The following ITPRID1 variants were observed in gnomAD, a reference collection of about 807,000 sequenced individuals.
ITPRID1 encodes the protein ITPR interacting domain containing 1.
ITPRID1 carries 96 observed loss-of-function variants against 95.4 expected under a neutral mutation model. The observed-to-expected ratio is 1.01, with a 90% CI of 0.85 to 1.19. ITPRID1 has a LOEUF of 1.19. ITPRID1 is among the 50% of genes most tolerant of loss of function. The pLI is 0.00. For missense variants in ITPRID1, 1,339 were observed against 1,252.9 expected (o/e 1.07, Z -1.04); for synonymous variants, 510 against 453.6 (o/e 1.12, Z -1.58).
At chr7:31,611,380 A>G (rs1786862180) in intron 10 of ITPRID1, among the ~76,000 whole-genome samples, 2 of 151,762 alleles carry the variant, frequency 1.3e-5, no homozygotes, top group African/African-American at 2.4e-5. Context: ...GCAAAAATAC[A>G]TTTTTATCAT....
At chr7:31,543,646 ATATTT>A (rs1170833418) in intron 1 of ITPRID1, among the ~76,000 whole-genome samples, 1 of 151,762 alleles carries the variant, frequency 6.6e-6, no homozygotes, top group African/African-American at 2.4e-5. Context: ...AGTTCTGTGG[ATATTT>A]TAGTTTATAG....
At chr7:31,520,023 T>G in intron 1 of ITPRID1, among the ~76,000 whole-genome samples, 1 of 152,084 alleles carries the variant, frequency 6.6e-6, no homozygotes, top group South Asian at 2.1e-4. Flanking sequence ...TACATCTCCT[T>G]AGGCTCCTCT....
intron 10 of ITPRID1, among the ~76,000 whole-genome samples, chr7:31,604,289 C>T (rs759747208): frequency 5.9e-5 from 9 of 152,150 alleles, no homozygotes; most frequent in Admixed American, 6.5e-5. Context: ...ATGAGGGAAC[C>T]ACAGCTCAGA....
At chr7:31,618,896 T>G (rs1583595724) in intron 10 of ITPRID1, among the ~76,000 whole-genome samples, 1 of 152,326 alleles carries the variant, frequency 6.6e-6, no homozygotes, top group African/African-American at 2.4e-5. Flanking sequence ...CATTGCATGT[T>G]ATAAGAAGCC....
intron 10 of ITPRID1, among the ~76,000 whole-genome samples, chr7:31,592,193 A>G (rs956754159): frequency 2.0e-5 from 3 of 152,194 alleles, no homozygotes; most frequent in Non-Finnish European, 4.4e-5. Flanking sequence ...CCTTTCCAGG[A>G]CAATGTCCTC....
rs1379939256 is a variant in ITPRID1 at position 31,655,573 on chromosome 7, A to G, written c.*2744A>G. On this transcript the variant is annotated 3_prime_UTR_variant, in exon 15 of 15. Coordinates refer to ENST00000615280, the MANE Select transcript of ITPRID1 (RefSeq NM_001257967.3). Reference sequence around the variant, plus strand: ...GAAATCACAGGATCATACTTCCCAGAGCAGCCTTCCACCAGAAATAAAAGT... The same window carrying G: ...GAAATCACAGGATCATACTTCCCAGGGCAGCCTTCCACCAGAAATAAAAGT... Among the ~76,000 whole-genome samples, 2 of 152,304 alleles carry G rather than the reference A, an allele frequency of 1.3e-5. No homozygotes were observed. Among genetic ancestry groups the G allele is most frequent in the Non-Finnish European group, 1.5e-5 (1 of 68,032 alleles).
chr7:31,626,354 T>G (rs1788467099), intron 10 of ITPRID1, among the ~76,000 whole-genome samples: 1 of 152,238 alleles, frequency 6.6e-6, no homozygotes, highest in Non-Finnish European at 1.5e-5. Flanking sequence ...ACCATAATCA[T>G]GCTTTAACTT....
intron 1 of ITPRID1, among the ~76,000 whole-genome samples, chr7:31,543,567 G>A (rs1784000347): frequency 1.3e-5 from 2 of 151,900 alleles, no homozygotes; most frequent in African/African-American, 4.8e-5. Context: ...TTCCATTTGT[G>A]TATCTTCTTT....
chr7:31,653,039 G>A lies in ITPRID1; in HGVS notation c.*210G>A. The A allele has an allele frequency of 1.5e-6, 2 of 1,293,006 alleles. No individual in the cohort carries two copies. The highest frequency in any genetic ancestry group is 2.0e-6 in the Non-Finnish European group (2 of 979,514). The allele number at this position is 1,293,006 out of a possible 1,614,324, so 80.1% of individuals were successfully genotyped here. A position where few individuals can be genotyped will look rare whatever the true frequency, so the allele number is the denominator to read the frequency against. On this transcript the variant is annotated 3_prime_UTR_variant, in exon 15 of 15. Coordinates refer to ENST00000615280, the MANE Select transcript of ITPRID1 (RefSeq NM_001257967.3). ...TAACTGAGCACCTAGTATGTGCCTG[G>A]CACAGAGTATGCAACAGTGACTAAA...
At chr7:31,618,164 A>G (rs1787450895) in intron 10 of ITPRID1, among the ~76,000 whole-genome samples, 3 of 152,212 alleles carry the variant, frequency 2.0e-5, no homozygotes. Context: ...CACCCAGATC[A>G]AAGGTGTGAC....
chr7:31,619,231 T>C (rs1787565896), intron 10 of ITPRID1, among the ~76,000 whole-genome samples: 1 of 152,208 alleles, frequency 6.6e-6, no homozygotes, highest in South Asian at 2.1e-4. Flanking sequence ...ATTTTTGTCA[T>C]AGTAAAATGG....
chr7:31,599,671 T>TCG (rs1786296662), intron 10 of ITPRID1, among the ~76,000 whole-genome samples: 1 of 142,526 alleles, frequency 7.0e-6, no homozygotes, highest in African/African-American at 2.7e-5. Flanking sequence ...TTTCTCTCTC[T>TCG]CTCTCTCTCT....
rs771388477 is a variant in ITPRID1, at chr7:31,544,701, T to C, written c.-97-4725T>C. Among the ~76,000 whole-genome samples, 106 of 152,258 alleles carry C rather than the reference T, an allele frequency of 7.0e-4. 1 individual carries two copies. Among genetic ancestry groups the C allele is most frequent in the Non-Finnish European group, 5.9e-4 (40 of 68,000 alleles). On this transcript the variant is annotated intron_variant, in intron 1 of 14. Coordinates refer to ENST00000615280, the MANE Select transcript of ITPRID1 (RefSeq NM_001257967.3). ...ATTAAATGTAATCTCCTCCAAAGATTGTTTGTACACAGTAGACACTCATAT... is the reference window on the plus strand; with the variant it reads ...ATTAAATGTAATCTCCTCCAAAGATCGTTTGTACACAGTAGACACTCATAT...
At chr7:31,544,157 C>A (rs1406403780) in intron 1 of ITPRID1, among the ~76,000 whole-genome samples, 1 of 152,034 alleles carries the variant, frequency 6.6e-6, no homozygotes, top group East Asian at 1.9e-4. Context: ...CTCCCTTGTT[C>A]TTTATCTTAG....
In ITPRID1 at chr7:31,554,864, T is replaced by C; in HGVS notation, c.219T>C (p.Ser73=). 3.2e-6 allele frequency: 5 copies of C among 1,577,218 alleles called. No homozygotes were observed. The highest frequency in any genetic ancestry group is 1.3e-5 in the African/African-American group (1 of 74,322). The change falls in exon 5 of 15, where the codon TCT becomes TCC. Residue 73 remains serine (S), a synonymous_variant. Transcript: ENST00000615280. ...QQWLDSGFFV[S]ANENFQQVID... ...TACTTTTGTTTCTTTACAGTGTCTC[T>C]GCAAATGAAAACTTTCAACAAGTCA...
At chr7:31,605,261 G>A (rs962252042) in intron 10 of ITPRID1, among the ~76,000 whole-genome samples, 1 of 152,146 alleles carries the variant, frequency 6.6e-6, no homozygotes, top group African/African-American at 2.4e-5. Flanking sequence ...GGAAGGGGAG[G>A]CAAAGCTGAT....
chr7:31,554,971 A>T, intron 5 of ITPRID1, 70 bp downstream of exon 5: 1 of 1,135,396 alleles, frequency 8.8e-7, no homozygotes, highest in Non-Finnish European at 1.3e-6. Flanking sequence ...TACGTGAATA[A>T]ATCTTCTTAA....
intron 10 of ITPRID1, among the ~76,000 whole-genome samples, chr7:31,639,643 TCTC>T (rs1311552756): frequency 1.3e-5 from 2 of 151,580 alleles, no homozygotes; most frequent in Non-Finnish European, 2.9e-5. Flanking sequence ...TTCATGCCAT[TCTC>T]CTGCCTCAGC....
rs1303306171 is a variant in ITPRID1 at position 31,614,564 on chromosome 7, T to TAATA, written c.1229-27611_1229-27608dup. On this transcript the variant is annotated intron_variant, in intron 10 of 14. Coordinates refer to ENST00000615280, the MANE Select transcript of ITPRID1 (RefSeq NM_001257967.3). ...TGCAGTAATTTTCTCCTGTTGTATT[T>TAATA]AATACCATATACCAGATCCTTAGAA... Among the ~76,000 whole-genome samples the TAATA allele has an allele frequency of 3.9e-5, 6 of 152,226 alleles. No homozygotes were observed. In the East Asian group the frequency reaches 1.2e-3, roughly 29 times the overall value.
Sources: allele counts gnomAD v4.1 joint callset (sites outside exome capture counted in the v4.1 genomes callset), GRCh38; gene constraint gnomAD v4.1.1; transcripts MANE v1.5; gene names NCBI Gene and HGNC (gene_info 2026-07-23, HGNC 2026-07-21).